NPNT: variants seen among roughly 807,000 people sequenced by gnomAD.
NPNT encodes preosteoblast EGF-like repeat protein with MAM domain.
A neutral mutation model predicts 68.6 loss-of-function variants in NPNT; 45 were observed. The observed-to-expected ratio is 0.66, with a 90% CI of 0.52 to 0.84. NPNT has a LOEUF of 0.84. NPNT is among the 40% of genes least tolerant of loss of function. The pLI, the probability that NPNT is intolerant of heterozygous loss-of-function variation, is 0.00. For synonymous variants in NPNT, 233 were observed against 253.3 expected, an observed-to-expected ratio of 0.92 and a Z score of 0.76; for missense variants, 672 against 714.8, an observed-to-expected ratio of 0.94 and a Z score of 0.68.
intron 2 of NPNT, chr4:105,912,543 G>A (rs1727454656): frequency 1.2e-5 from 11 of 893,994 alleles, no homozygotes; most frequent in Non-Finnish European, 1.4e-5. Context: ...AATACTTAAG[G>A]AAGCAAATAT....
intron 2 of NPNT, among the ~76,000 whole-genome samples, chr4:105,901,662 T>C (rs747943526): frequency 1.3e-5 from 2 of 152,214 alleles, no homozygotes; most frequent in South Asian, 2.1e-4. Context: ...ACAGGGAAAA[T>C]TGAGATGTTT....
At chr4:105,946,792 G>A (rs1433492729) in intron 8 of NPNT, among the ~76,000 whole-genome samples, 4 of 152,108 alleles carry the variant, frequency 2.6e-5, no homozygotes, top group Non-Finnish European at 4.4e-5. Context: ...AAGGCAAAGG[G>A]CAAAAGCAGA....
In NPNT at chr4:105,940,400, A is replaced by T. The variant is rs4627867; in HGVS notation, c.641-114A>T. ...TTATTTCTTCTGTTTATCTGCCAATATTATGTAGATCATCACATTGCCAAA... is the reference window on the plus strand; with the variant it reads ...TTATTTCTTCTGTTTATCTGCCAATTTTATGTAGATCATCACATTGCCAAA... On this transcript the variant is annotated intron_variant, in intron 6 of 11. Coordinates refer to ENST00000379987, the MANE Select transcript of NPNT (RefSeq NM_001033047.3). The T allele has an allele frequency of 0.93, 1,044,873 of 1,120,926 alleles. 487,434 individuals carry two copies. The highest frequency in any genetic ancestry group is 1 in the East Asian group (41,683 of 41,688). The allele number at this position is 1,120,926 out of a possible 1,614,324, so 69.4% of individuals were successfully genotyped here. A position where few individuals can be genotyped will look rare whatever the true frequency, so the allele number is the denominator to read the frequency against.
At chr4:105,920,105 T>G (rs547737199) in intron 2 of NPNT, among the ~76,000 whole-genome samples, 1 of 152,174 alleles carries the variant, frequency 6.6e-6, no homozygotes, top group South Asian at 2.1e-4. Flanking sequence ...TAACCATAGA[T>G]TCTTTTTTTA....
chr4:105,939,886 G>C (rs6817384), intron 5 of NPNT, among the ~76,000 whole-genome samples, 189 bp from the exon 6 acceptor site: 25 of 152,208 alleles, frequency 1.6e-4, no homozygotes, highest in African/African-American at 5.3e-4. Context: ...TAATAACTTG[G>C]CTTAGAAGGC....
rs1388589394 is a variant in NPNT at position 105,942,528 on chromosome 4, C to T, written c.985C>T (p.Pro329Ser). The T allele has an allele frequency of 4.3e-6, 7 of 1,613,664 alleles. No individual in the cohort carries two copies. Among genetic ancestry groups the T allele is most frequent in the African/African-American group, 1.3e-5 (1 of 74,848 alleles). The change falls in exon 8 of 12, where the codon CCA (proline) becomes TCA (serine). Residue 329 changes from proline to serine, a missense_variant. By Grantham distance (74) the Pro-to-Ser change is moderately conservative (BLOSUM62 -1). Transcript: ENST00000379987. The stretch of plus-strand genomic sequence containing the variant: ...AAAGCCAACACCAATTCCTACTCCA[C>T]CACCACCACCACCCCTGCCAACAGA... ...TPKPTPIPTP[P>S]PPPPLPTELR...
intron 2 of NPNT, among the ~76,000 whole-genome samples, chr4:105,913,144 G>A (rs1021248731): frequency 9.2e-5 from 14 of 152,200 alleles, no homozygotes; most frequent in Admixed American, 2.0e-4. Context: ...TGGGATTACA[G>A]GTGTGAGCTA....
At chr4:105,906,356 C>T (rs1726896389) in intron 2 of NPNT, among the ~76,000 whole-genome samples, 1 of 152,176 alleles carries the variant, frequency 6.6e-6, no homozygotes, top group African/African-American at 2.4e-5. Context: ...AGCAACATTC[C>T]TATCATGAAG....
At chr4:105,908,445 T>C (rs1727092374) in intron 2 of NPNT, among the ~76,000 whole-genome samples, 1 of 152,156 alleles carries the variant, frequency 6.6e-6, no homozygotes, top group Non-Finnish European at 1.5e-5. Context: ...TACTCTGAAA[T>C]GTTAGGAAAT....
At chr4:105,952,871 A>G (rs1385105200) in intron 8 of NPNT, among the ~76,000 whole-genome samples, 1 of 152,230 alleles carries the variant, frequency 6.6e-6, no homozygotes, top group Non-Finnish European at 1.5e-5. Context: ...CGAAGGACTC[A>G]TTCCTGGCAG....
chr4:105,931,945 T>A (rs537921909), intron 3 of NPNT, among the ~76,000 whole-genome samples: 1 of 152,312 alleles, frequency 6.6e-6, no homozygotes, highest in South Asian at 2.1e-4. Flanking sequence ...AGAACGTGAT[T>A]GTTAAGTCTC....
intron 2 of NPNT, among the ~76,000 whole-genome samples, chr4:105,925,703 C>T (rs1215632069): frequency 6.6e-6 from 1 of 152,162 alleles, no homozygotes; most frequent in Non-Finnish European, 1.5e-5. Context: ...CTGCTCTTCA[C>T]TCAATGATTA....
intron 3 of NPNT, among the ~76,000 whole-genome samples, chr4:105,928,222 A>T (rs928966819): frequency 1.4e-4 from 22 of 152,174 alleles, no homozygotes; most frequent in African/African-American, 5.1e-4. Context: ...TTTCTACTAT[A>T]CTAGTTTTGG....
chr4:105,923,908 G>A (rs1231291032), intron 2 of NPNT, among the ~76,000 whole-genome samples: 2 of 152,050 alleles, frequency 1.3e-5, no homozygotes, highest in Non-Finnish European at 2.9e-5. Flanking sequence ...AAGAGATATT[G>A]GTAAGAATCC....
intron 10 of NPNT, among the ~76,000 whole-genome samples, chr4:105,961,922 C>A (rs938180789): frequency 3.4e-4 from 51 of 152,124 alleles, no homozygotes; most frequent in Non-Finnish European, 6.3e-4. Flanking sequence ...GCTGATACAA[C>A]CAGCATTCGA....
chr4:105,914,327 A>G (rs1320619437), intron 2 of NPNT, among the ~76,000 whole-genome samples: 4 of 139,438 alleles, frequency 2.9e-5, no homozygotes, highest in African/African-American at 5.2e-5. Context: ...TGGATCATGC[A>G]GGTAATAGCT....
intron 10 of NPNT, 42 bp downstream of exon 10, chr4:105,959,168 T>C (rs773214012): frequency 8.2e-7 from 1 of 1,225,528 alleles, no homozygotes; most frequent in Admixed American, 1.7e-5. Flanking sequence ...CACATTTCAA[T>C]GTGATACTAT....
intron 5 of NPNT, among the ~76,000 whole-genome samples, 165 bp downstream of exon 5, chr4:105,938,585 A>G (rs940051506): frequency 6.6e-6 from 1 of 152,212 alleles, no homozygotes; most frequent in African/African-American, 2.4e-5. Context: ...CTGTGAATGG[A>G]TAATGGGAGC....
At chr4:105,952,060 AATACATATT>A (rs1730880511) in intron 8 of NPNT, among the ~76,000 whole-genome samples, 1 of 152,216 alleles carries the variant, frequency 6.6e-6, no homozygotes, top group Non-Finnish European at 1.5e-5. Flanking sequence ...GTAATAACTT[AATACATATT>A]AGCTATTACT....
Sources: allele counts gnomAD v4.1 joint callset (sites outside exome capture counted in the v4.1 genomes callset), GRCh38; gene constraint gnomAD v4.1.1; transcripts MANE v1.5; gene names NCBI Gene and HGNC (gene_info 2026-07-23, HGNC 2026-07-21).